RNF121: variants seen among roughly 807,000 people sequenced by gnomAD.
RNF121 encodes ring finger protein 121, also known as E3 ubiquitin ligase RNF121.
A neutral mutation model predicts 46.5 loss-of-function variants in RNF121; 21 were observed. The observed-to-expected ratio is 0.45, with a 90% confidence interval of 0.32 to 0.65. RNF121 has a LOEUF of 0.65. Among genes scored for constraint, RNF121 ranks in the 30% least tolerant of loss-of-function variants. The pLI is 0.04. For missense variants in RNF121, 346 were observed against 416.0 expected (o/e 0.83, Z 1.46); for synonymous variants, 139 against 144.7 (o/e 0.96, Z 0.28).
intron 1 of RNF121, among the ~76,000 whole-genome samples, chr11:71,930,312 G>T (rs1342358247): frequency 6.6e-6 from 1 of 152,296 alleles, no homozygotes; most frequent in East Asian, 1.9e-4. Context: ...GCTGTGTGTT[G>T]GGTGTGGGAA....
chr11:71,982,439 T>G (rs796681507), intron 3 of RNF121, among the ~76,000 whole-genome samples: 23 of 151,982 alleles, frequency 1.5e-4, no homozygotes, highest in African/African-American at 5.3e-4. Flanking sequence ...GAGATACCAT[T>G]CTGGCACTCC....
At chr11:71,967,226 A>G (rs1218100053) in intron 3 of RNF121, among the ~76,000 whole-genome samples, 1 of 150,602 alleles carries the variant, frequency 6.6e-6, no homozygotes, top group Non-Finnish European at 1.5e-5. Context: ...CTACTTTATT[A>G]TATTTAAATA....
At chr11:71,948,638 TTTCAC>T (rs1953786589) in intron 1 of RNF121, among the ~76,000 whole-genome samples, 1 of 151,688 alleles carries the variant, frequency 6.6e-6, no homozygotes, top group South Asian at 2.1e-4. Flanking sequence ...CAACATCTAC[TTTCAC>T]TTCACTGCCC....
chr11:71,970,818 A>T (rs7932163), intron 3 of RNF121, among the ~76,000 whole-genome samples: 3,881 of 152,304 alleles, frequency 0.025, 159 homozygotes, highest in African/African-American at 0.089. Flanking sequence ...CTACCAAGAC[A>T]GGGACTTACC....
chr11:71,991,956 A>G (rs1283754087), intron 6 of RNF121, among the ~76,000 whole-genome samples: 1 of 138,598 alleles, frequency 7.2e-6, no homozygotes, highest in Non-Finnish European at 1.6e-5. Flanking sequence ...AAATGAGACA[A>G]AAAAAAAAAA....
chr11:71,972,601 G>A (rs189659229), intron 3 of RNF121, among the ~76,000 whole-genome samples: 8 of 151,920 alleles, frequency 5.3e-5, no homozygotes, highest in African/African-American at 1.4e-4. Context: ...TTTTTTCTCG[G>A]GGGCTGTCCT....
rs1024605324 is a variant in RNF121, at chr11:71,988,292, A to T, written c.506+1181A>T. ...AGAGACTGGAGCATGCAGTGAGTCA[A>T]TGAGGCAGATGAGGGTGGAAATAAT... On this transcript the variant is annotated intron_variant, in intron 5 of 8. Transcript: ENST00000361756. Among the ~76,000 whole-genome samples the T allele has an allele frequency of 1.3e-5, 2 of 152,172 alleles. 1 individual carries two copies. The highest frequency in any genetic ancestry group is 4.1e-4 in the South Asian group (2 of 4,832).
At chr11:71,967,353 T>TTG (rs1775805384) in intron 3 of RNF121, among the ~76,000 whole-genome samples, 2 of 135,082 alleles carry the variant, frequency 1.5e-5, no homozygotes, top group Admixed American at 7.4e-5. Context: ...TTTTTTGTTT[T>TTG]TTTTTTTTTT....
rs1954975151 is a variant in RNF121 at position 71,996,272 on chromosome 11, T to C, written c.941T>C (p.Ile314Thr). Residue 314 changes from isoleucine (I) to threonine (T), a missense_variant, in exon 9 of 9, where the codon ATT becomes ACT. Ile to Thr is a moderately conservative substitution (Grantham distance 89). Transcript: ENST00000361756. ...RYLVAWQPVIIGVVQGINYIL... is the reference protein window; with the variant it reads ...RYLVAWQPVITGVVQGINYIL... ...TTGGTAGCCTGGCAGCCTGTCATCA[T>C]TGGTGTAGTCCAAGGCATCAACTAC... 1.2e-6 allele frequency: 2 copies of C among 1,614,182 alleles called. No homozygotes were observed. The highest frequency in any genetic ancestry group is 1.7e-6 in the Non-Finnish European group (2 of 1,180,008).
intron 1 of RNF121, among the ~76,000 whole-genome samples, chr11:71,932,818 A>G (rs1953305742): frequency 6.6e-6 from 1 of 152,248 alleles, no homozygotes; most frequent in Non-Finnish European, 1.5e-5. Context: ...GAGGGGATCA[A>G]AATGAGGGTT....
At chr11:71,970,675 A>G (rs926283105) in intron 3 of RNF121, among the ~76,000 whole-genome samples, 10 of 152,172 alleles carry the variant, frequency 6.6e-5, no homozygotes, top group East Asian at 3.8e-4. Context: ...AAAAGACAAA[A>G]TAATAATAAC....
intron 3 of RNF121, among the ~76,000 whole-genome samples, chr11:71,972,125 CAGAA>C (rs1258436081): frequency 6.6e-6 from 1 of 152,054 alleles, no homozygotes; most frequent in Non-Finnish European, 1.5e-5. Context: ...AACTAAGAAA[CAGAA>C]AGATGTGTAA....
At chr11:71,946,986 G>T (rs1337463203) in intron 1 of RNF121, among the ~76,000 whole-genome samples, 1 of 148,630 alleles carries the variant, frequency 6.7e-6, no homozygotes, top group African/African-American at 2.5e-5. Context: ...TCCTGCCTCA[G>T]CCTCCCTAGT....
chr11:71,987,943 A>G (rs1334288739), intron 5 of RNF121, among the ~76,000 whole-genome samples: 10 of 152,194 alleles, frequency 6.6e-5, no homozygotes, highest in Non-Finnish European at 1.5e-5. Flanking sequence ...AGTTTCAAGA[A>G]TGTCGCAGTC....
intron 6 of RNF121, among the ~76,000 whole-genome samples, chr11:71,993,183 A>G (rs1435329964): frequency 6.6e-6 from 1 of 152,206 alleles, no homozygotes. Flanking sequence ...TTGTGTAGAC[A>G]TTGGATCTTC....
intron 3 of RNF121, among the ~76,000 whole-genome samples, chr11:71,981,765 TCTTA>T (rs773203916): frequency 6.6e-5 from 10 of 152,210 alleles, no homozygotes; most frequent in East Asian, 3.8e-4. Context: ...TTTACTTTCC[TCTTA>T]CTTATCGGAA....
intron 1 of RNF121, among the ~76,000 whole-genome samples, chr11:71,948,806 T>C (rs370375234): frequency 5.9e-5 from 9 of 152,284 alleles, no homozygotes; most frequent in Admixed American, 2.6e-4. Context: ...AGAATGTGAA[T>C]GAGAGGAGAA....
chr11:71,978,238 A>G (rs1454664798), intron 3 of RNF121: 5 of 450,078 alleles, frequency 1.1e-5, no homozygotes, highest in Non-Finnish European at 2.2e-5. Context: ...GAAACCAGGT[A>G]ACTTCCCCTT....
At chr11:71,989,464 T>C (rs926673606) in intron 5 of RNF121, among the ~76,000 whole-genome samples, 2 of 152,186 alleles carry the variant, frequency 1.3e-5, no homozygotes, top group South Asian at 2.1e-4. Context: ...GAAAACAGAA[T>C]TGAGAATCTT....
Sources: allele counts gnomAD v4.1 joint callset (sites outside exome capture counted in the v4.1 genomes callset), GRCh38; gene constraint gnomAD v4.1.1; transcripts MANE v1.5; gene names NCBI Gene and HGNC (gene_info 2026-07-23, HGNC 2026-07-21).